NPC1: variants seen among roughly 807,000 people sequenced by gnomAD.
NPC1 encodes the protein NPC intracellular cholesterol transporter 1.
NPC1 carries 85 observed loss-of-function variants against 140.4 expected under a neutral mutation model. The observed-to-expected ratio is 0.61, with a 90% CI of 0.51 to 0.72. The LOEUF (loss-of-function observed/expected upper bound fraction) is 0.72. Ranked by LOEUF, NPC1 falls within the 30% of genes least tolerant of loss-of-function variation. NPC1 has a pLI of 0.00. For missense variants in NPC1, 1,504 were observed against 1,623.8 expected (o/e 0.93, Z 1.27); for synonymous variants, 656 against 624.8 (o/e 1.05, Z -0.74).
chr18:23,551,437 C>T lies in NPC1; in HGVS notation c.1654+190G>A. On this transcript the variant is annotated intron_variant, in intron 10 of 24. Coordinates refer to ENST00000269228, the MANE Select transcript of NPC1 (RefSeq NM_000271.5). ...ATGTGTGACCTAAAAATGGCTAACC[C>T]AATCCACTTCTTTTAAATCTGGAAT... The T allele has an allele frequency of 3.1e-6, 2 of 643,216 alleles. 1 individual carries two copies. The highest frequency in any genetic ancestry group is 4.7e-5 in the Admixed American group (2 of 42,338). The allele number at this position is 643,216 out of a possible 1,614,324, so 39.8% of individuals were successfully genotyped here.
intron 3 of NPC1, among the ~76,000 whole-genome samples, chr18:23,570,693 G>C (rs1356972993): frequency 6.6e-6 from 1 of 152,188 alleles, no homozygotes; most frequent in Non-Finnish European, 1.5e-5. Context: ...ACCACAATCT[G>C]CTGTTCTAAA....
intron 3 of NPC1, 112 bp downstream of exon 3, chr18:23,571,949 AATATACATATAAT>A: frequency 2.8e-6 from 1 of 352,870 alleles, no homozygotes; most frequent in Non-Finnish European, 5.2e-6. Context: ...ATAAATATAT[AATATACATATAAT>A]ATAGACATAT....
intron 4 of NPC1, among the ~76,000 whole-genome samples, chr18:23,562,262 G>A (rs763583558): frequency 9.3e-5 from 14 of 150,508 alleles, no homozygotes; most frequent in African/African-American, 2.9e-4. Context: ...GCACTCCAGC[G>A]TGGGTGACAG....
chr18:23,583,219 T>C (rs1026120342), intron 1 of NPC1, among the ~76,000 whole-genome samples: 7 of 151,612 alleles, frequency 4.6e-5, no homozygotes, highest in African/African-American at 1.7e-4. Flanking sequence ...GGTAGTTCAA[T>C]TAGGAAATAT....
rs1783205758 is a variant in NPC1 at position 23,549,102 on chromosome 18, A to G, written c.1655-994T>C. Among the ~76,000 whole-genome samples the G allele has an allele frequency of 1.3e-5, 2 of 152,080 alleles. 1 individual carries two copies. The highest frequency in any genetic ancestry group is 4.2e-4 in the South Asian group (2 of 4,818). On this transcript the variant is annotated intron_variant, in intron 10 of 24. Transcript: ENST00000269228. ...CTGCACCTGGCTAGAATCAATTCTT[A>G]AAGCATAATCAATGAATCAAAAACT...
chr18:23,583,656 T>G (rs78033581), intron 1 of NPC1, among the ~76,000 whole-genome samples: 62 of 152,062 alleles, frequency 4.1e-4, no homozygotes, highest in Non-Finnish European at 6.3e-4. Context: ...GCATCCCTTT[T>G]AGGAGTGGAG....
downstream of NPC1, among the ~76,000 whole-genome samples, chr18:23,521,926 A>G (rs2058152710): frequency 6.6e-6 from 1 of 152,204 alleles, no homozygotes; most frequent in Non-Finnish European, 1.5e-5. Context: ...AGAATTGGCT[A>G]GTCTGAGGTT....
chr18:23,527,799 A>G (rs747221420), downstream of NPC1: 10 of 1,613,674 alleles, frequency 6.2e-6, no homozygotes, highest in Non-Finnish European at 8.5e-6. Context: ...TTCCAGTGTT[A>G]AGTGAGTCAG....
intron 1 of NPC1, among the ~76,000 whole-genome samples, chr18:23,584,730 G>A (rs2059395541): frequency 6.6e-6 from 1 of 152,154 alleles, no homozygotes; most frequent in Admixed American, 6.5e-5. Context: ...GTGGTGGTGG[G>A]CACCTGTAAT....
chr18:23,519,035 CT>C (rs1258281782), downstream of NPC1: 11 of 1,612,412 alleles, frequency 6.8e-6, no homozygotes, highest in Non-Finnish European at 9.3e-6. Flanking sequence ...TGAACTGCAG[CT>C]TGTTGATCTG....
chr18:23,555,513 G>C (rs1401562894), intron 8 of NPC1, among the ~76,000 whole-genome samples: 1 of 152,228 alleles, frequency 6.6e-6, no homozygotes, highest in African/African-American at 2.4e-5. Flanking sequence ...AAAGATTCAA[G>C]TCTTGGGACC....
In NPC1 at chr18:23,572,052, C is replaced by T; in HGVS notation, c.287+22G>A. 1.3e-6 allele frequency: 2 copies of T among 1,539,512 alleles called. 1 individual carries two copies. The highest frequency in any genetic ancestry group is 2.7e-5 in the African/African-American group (2 of 73,606). On this transcript the variant is annotated intron_variant, in intron 3 of 24. Coordinates refer to ENST00000269228, the MANE Select transcript of NPC1 (RefSeq NM_000271.5). ...CACAAGTATCTACAGCCCAGTTGTT[C>T]TGTTTCCCCAGCAGAACCTACCTGG... is the stretch of plus-strand genomic sequence containing the variant.
chr18:23,532,422 T>A (rs2058542952), intron 24 of NPC1, 138 bp from the exon 25 acceptor site: 2 of 889,428 alleles, frequency 2.2e-6, no homozygotes, highest in Non-Finnish European at 3.7e-6. Context: ...GACAACAGAG[T>A]GAGACCACAT....
chr18:23,561,764 A>G (rs2059043215), intron 4 of NPC1, among the ~76,000 whole-genome samples: 1 of 152,170 alleles, frequency 6.6e-6, no homozygotes, highest in South Asian at 2.1e-4. Flanking sequence ...AACAGACAGG[A>G]AAGGGAAAGG....
intron 2 of NPC1, 122 bp downstream of exon 2, chr18:23,573,330 G>T: frequency 2.2e-6 from 3 of 1,375,806 alleles, no homozygotes; most frequent in Non-Finnish European, 3.1e-6. Flanking sequence ...GAGAGTCCGG[G>T]ATAAGACTTA....
chr18:23,563,966 A>G (rs2059081854), intron 4 of NPC1, among the ~76,000 whole-genome samples: 1 of 135,670 alleles, frequency 7.4e-6, no homozygotes, highest in Admixed American at 7.3e-5. Flanking sequence ...TGGGTTATTT[A>G]TTTATCATTG....
chr18:23,576,854 A>T, intron 1 of NPC1: 20 of 157,708 alleles, frequency 1.3e-4, no homozygotes, highest in Non-Finnish European at 2.1e-4. Context: ...TCATAAAAGC[A>T]GTGTGGACCC....
chr18:23,581,338 T>C (rs2059353154), intron 1 of NPC1, among the ~76,000 whole-genome samples: 1 of 152,156 alleles, frequency 6.6e-6, no homozygotes, highest in Non-Finnish European at 1.5e-5. Context: ...ACTAACCAAG[T>C]GGAATATCTG....
chr18:23,507,064 A>T (rs1161172792), intron 3 of NPC1: 3 of 1,552,922 alleles, frequency 1.9e-6, no homozygotes, highest in African/African-American at 1.4e-5. Flanking sequence ...GGTAAGACTT[A>T]TCTTTAAAAT....
Sources: gnomAD v4.1 joint callset for allele counts (sites outside exome capture counted in the v4.1 genomes callset) on GRCh38, gnomAD v4.1.1 for gene constraint, MANE v1.5 for transcripts, NCBI Gene and HGNC (gene_info 2026-07-23, HGNC 2026-07-21) for gene names.